Variants in AMD1 observed in about 807,000 individuals in gnomAD.
AMD1 encodes S-adenosylmethionine decarboxylase proenzyme.
In AMD1, 11 loss-of-function variants were observed where a neutral mutation model predicts 40.2. That is an observed-to-expected ratio of 0.27 (90% confidence interval 0.17 to 0.45). The LOEUF (loss-of-function observed/expected upper bound fraction) is 0.45. AMD1 is among the 20% of genes least tolerant of loss of function. AMD1 has a pLI of 1.00. For synonymous variants in AMD1, 121 were observed against 130.8 expected, an observed-to-expected ratio of 0.93 and a Z score of 0.51; for missense variants, 257 against 410.2, an observed-to-expected ratio of 0.63 and a Z score of 3.23.
chr6:110,819,147 C>T, the AMD1 span, among the ~76,000 whole-genome samples: 1 of 152,096 alleles, frequency 6.6e-6, no homozygotes, highest in African/African-American at 2.4e-5. Context: ...CACCTCAGTC[C>T]AGGAGTTTGA....
the AMD1 span, among the ~76,000 whole-genome samples, chr6:110,859,751 G>A: frequency 2.0e-5 from 3 of 152,046 alleles, no homozygotes; most frequent in African/African-American, 7.2e-5. Context: ...AGTGAGGCCC[G>A]TAGAAGGAAG....
the AMD1 span, among the ~76,000 whole-genome samples, chr6:110,868,406 C>A: frequency 1.4e-4 from 21 of 152,132 alleles, no homozygotes; most frequent in Non-Finnish European, 1.5e-5. Context: ...GCCTTGGACT[C>A]CAAACGTGCT....
At chr6:110,883,821 TCTC>T (rs2115291240) in intron 1 of AMD1, among the ~76,000 whole-genome samples, 1 of 152,024 alleles carries the variant, frequency 6.6e-6, no homozygotes, top group South Asian at 2.1e-4. Context: ...ATGGTCTTGA[TCTC>T]CTGACCTTGT....
chr6:110,854,793 G>A, the AMD1 span, among the ~76,000 whole-genome samples: 52 of 152,142 alleles, frequency 3.4e-4, no homozygotes, highest in Non-Finnish European at 5.6e-4. Context: ...TTCGTTAATT[G>A]AGTTTATATT....
chr6:110,816,239 A>G, the AMD1 span, among the ~76,000 whole-genome samples: 176 of 152,288 alleles, frequency 1.2e-3, no homozygotes, highest in Admixed American at 2.8e-3. Context: ...CTGTCTAAGG[A>G]CAATTAAAAG....
At chr6:110,838,860 C>T in the AMD1 span, among the ~76,000 whole-genome samples, 20 of 152,252 alleles carry the variant, frequency 1.3e-4, no homozygotes, top group African/African-American at 4.1e-4. Context: ...CCTCCGTCTA[C>T]TGGGTTCAAG....
At chr6:110,842,435 T>A in the AMD1 span, among the ~76,000 whole-genome samples, 1 of 152,194 alleles carries the variant, frequency 6.6e-6, no homozygotes, top group African/African-American at 2.4e-5. Flanking sequence ...TCCTTTCCTA[T>A]AACACAACCC....
At chr6:110,884,330 C>G (rs1223826908) in intron 1 of AMD1, among the ~76,000 whole-genome samples, 2 of 152,188 alleles carry the variant, frequency 1.3e-5, no homozygotes, top group East Asian at 3.8e-4. Context: ...AGTCAACATA[C>G]TCAAAACCAG....
the AMD1 span, among the ~76,000 whole-genome samples, chr6:110,825,304 GGTAACTA>G: frequency 6.6e-6 from 1 of 151,830 alleles, no homozygotes; most frequent in Non-Finnish European, 1.5e-5. Context: ...CTGTATTATG[GGTAACTA>G]GTAACTAATT....
chr6:110,880,204 A>G (rs1241252256), intron 1 of AMD1, among the ~76,000 whole-genome samples: 3 of 152,114 alleles, frequency 2.0e-5, no homozygotes, highest in African/African-American at 7.2e-5. Context: ...TGATTGAGCC[A>G]TCGCCCCTGG....
At chr6:110,886,459 C>G (rs992960796) in intron 1 of AMD1, among the ~76,000 whole-genome samples, 1 of 152,096 alleles carries the variant, frequency 6.6e-6, no homozygotes, top group African/African-American at 2.4e-5. Context: ...GCACCTGCCA[C>G]CACGCCCGGC....
the AMD1 span, among the ~76,000 whole-genome samples, chr6:110,820,324 C>T: frequency 0.061 from 9,237 of 151,778 alleles, 330 homozygotes; most frequent in African/African-American, 0.1. Context: ...ACGACCTCCA[C>T]CTCCCAGGTT....
the AMD1 span, among the ~76,000 whole-genome samples, chr6:110,818,550 A>C: frequency 6.6e-6 from 1 of 151,062 alleles, no homozygotes; most frequent in African/African-American, 2.5e-5. Context: ...TTATTTATTT[A>C]TTTATTTTGA....
At chr6:110,893,086 T>C in intron 8 of AMD1, 21 bp downstream of exon 8, 1 of 1,567,102 alleles carries the variant, frequency 6.4e-7, no homozygotes, top group Non-Finnish European at 8.6e-7. Flanking sequence ...ATTTTATTAT[T>C]AATCAGGTTA....
the AMD1 span, chr6:110,815,050 G>A: frequency 6.2e-7 from 1 of 1,605,846 alleles, no homozygotes; most frequent in South Asian, 1.1e-5. Flanking sequence ...CGTAGGTGCC[G>A]CGTCCCACTT....
At chr6:110,892,692 A>C (rs550287685) in intron 6 of AMD1, 43 bp from the exon 7 acceptor site, 2 of 1,593,202 alleles carry the variant, frequency 1.3e-6, no homozygotes, top group East Asian at 2.2e-5. Flanking sequence ...ATTGAAGTTT[A>C]TTTGTCAAAC....
At chr6:110,824,775 A>T in the AMD1 span, among the ~76,000 whole-genome samples, 4 of 152,138 alleles carry the variant, frequency 2.6e-5, no homozygotes, top group Non-Finnish European at 2.9e-5. Flanking sequence ...GAAAGAAACA[A>T]TGGCTTTGGT....
chr6:110,863,098 C>G, the AMD1 span, among the ~76,000 whole-genome samples: 1 of 152,044 alleles, frequency 6.6e-6, no homozygotes, highest in East Asian at 1.9e-4. Context: ...GCACCCACCA[C>G]CACGCCCGGC....
the AMD1 span, among the ~76,000 whole-genome samples, chr6:110,823,868 A>G: frequency 1.3e-5 from 2 of 152,248 alleles, no homozygotes; most frequent in Non-Finnish European, 2.9e-5. Flanking sequence ...TAAATCATAG[A>G]TGACACAAAC....
Sources: gnomAD v4.1 joint callset for allele counts (sites outside exome capture counted in the v4.1 genomes callset) on GRCh38, gnomAD v4.1.1 for gene constraint, MANE v1.5 for transcripts, NCBI Gene and HGNC (gene_info 2026-07-23, HGNC 2026-07-21) for gene names.